Variants in DIAPH3 observed in about 807,000 individuals in gnomAD.
DIAPH3 encodes the protein protein diaphanous homolog 3.
In DIAPH3, 117 loss-of-function variants were observed where a neutral mutation model predicts 144.3. The observed-to-expected ratio is 0.81, with a 90% CI of 0.70 to 0.95. DIAPH3 has a LOEUF of 0.95. DIAPH3 is among the 40% of genes least tolerant of loss of function. DIAPH3 has a pLI of 0.00. For missense variants in DIAPH3, 1,421 were observed against 1,412.7 expected (o/e 1.01, Z -0.09); for synonymous variants, 519 against 488.9 (o/e 1.06, Z -0.81).
intron 4 of DIAPH3, among the ~76,000 whole-genome samples, chr13:60,043,555 C>T (rs536795420): frequency 7.0e-4 from 106 of 152,188 alleles, no homozygotes; most frequent in Non-Finnish European, 1.1e-3. Context: ...AAGACAGAGG[C>T]CAGATCATGG....
rs948590365 is a variant in DIAPH3, at chr13:59,903,097, C to T, written c.2367+8638G>A. ...TGACACAACTTATGTAATTGACAGA[C>T]GAGATCAAAGATGAATTATTAAACA... On this transcript the variant is annotated intron_variant, in intron 20 of 27. Transcript: ENST00000400324. Among the ~76,000 whole-genome samples the T allele has an allele frequency of 4.0e-5, 6 of 151,808 alleles. 1 individual carries two copies. The highest frequency in any genetic ancestry group is 4.1e-4 in the South Asian group (2 of 4,820).
intron 12 of DIAPH3, among the ~76,000 whole-genome samples, chr13:59,984,455 C>T (rs1271173966): frequency 6.6e-6 from 1 of 151,670 alleles, no homozygotes; most frequent in African/African-American, 2.4e-5. Flanking sequence ...CGAAGTTTAA[C>T]TAAAACCTCC....
intron 27 of DIAPH3, among the ~76,000 whole-genome samples, chr13:59,689,086 A>G (rs1332776687): frequency 6.6e-6 from 1 of 152,104 alleles, no homozygotes; most frequent in Admixed American, 6.6e-5. Flanking sequence ...ATAATTGTGA[A>G]TCTCTTGTTA....
intron 27 of DIAPH3, among the ~76,000 whole-genome samples, chr13:59,729,379 T>G (rs2035767248): frequency 6.6e-6 from 1 of 152,008 alleles, no homozygotes; most frequent in Non-Finnish European, 1.5e-5. Flanking sequence ...CAGAAAGAAC[T>G]CTAATACAGA....
Position 59,879,439 on chromosome 13 carries a change from C to A in DIAPH3, c.2397G>T (p.Arg799=), listed in dbSNP as rs1428699204. ...VMSNVKRLRP[R]LSAILFKLQF... ...GAAGCTTAAAGAGAATAGCACTGAG[C>A]CGTGGCCGTAGTCTCTTCACATTGC... The change falls in exon 21 of 28, where the codon CGG becomes CGT. Residue 799 remains arginine (R), a synonymous_variant. Transcript: ENST00000400324. The A allele has an allele frequency of 6.2e-7, 1 of 1,613,558 alleles. No individual in the cohort carries two copies. Among genetic ancestry groups the A allele is most frequent in the Non-Finnish European group, 8.5e-7 (1 of 1,179,780 alleles).
intron 7 of DIAPH3, among the ~76,000 whole-genome samples, chr13:60,014,170 A>G (rs2053472119): frequency 6.6e-6 from 1 of 152,148 alleles, no homozygotes; most frequent in Non-Finnish European, 1.5e-5. Context: ...GGTTTAAAAA[A>G]AGTTCCTAGA....
intron 14 of DIAPH3, among the ~76,000 whole-genome samples, chr13:59,974,910 A>G (rs2050582873): frequency 6.6e-6 from 1 of 152,080 alleles, no homozygotes; most frequent in South Asian, 2.1e-4. Flanking sequence ...TTTTATTACT[A>G]AACAACTCCA....
At chr13:60,109,491 T>G (rs1268991579) in intron 3 of DIAPH3, among the ~76,000 whole-genome samples, 1 of 127,294 alleles carries the variant, frequency 7.9e-6, no homozygotes, top group Non-Finnish European at 1.6e-5. Context: ...AAAAGCAAGA[T>G]GGAGGAAAAG....
At chr13:59,757,614 T>A (rs979889327) in intron 27 of DIAPH3, among the ~76,000 whole-genome samples, 4 of 151,594 alleles carry the variant, frequency 2.6e-5, no homozygotes, top group African/African-American at 4.8e-5. Flanking sequence ...GTTAGCTAGG[T>A]TGGTCTCGAT....
intron 22 of DIAPH3, among the ~76,000 whole-genome samples, chr13:59,842,339 A>G (rs1265551835): frequency 6.6e-6 from 1 of 152,188 alleles, no homozygotes; most frequent in African/African-American, 2.4e-5. Flanking sequence ...CAAAAGATCT[A>G]GAGAACAGAC....
At chr13:60,087,786 C>A (rs1359890425) in intron 4 of DIAPH3, among the ~76,000 whole-genome samples, 23 of 145,320 alleles carry the variant, frequency 1.6e-4, no homozygotes, top group Non-Finnish European at 1.5e-4. Context: ...TCCAAAATAT[C>A]AAAAAAAAAA....
chr13:60,124,540 T>G (rs2058935636), intron 2 of DIAPH3, among the ~76,000 whole-genome samples: 2 of 152,208 alleles, frequency 1.3e-5, no homozygotes, highest in Admixed American at 1.3e-4. Context: ...TAGTATGTCT[T>G]TATAATTATA....
At chr13:60,105,705 T>G (rs1402286444) in intron 3 of DIAPH3, among the ~76,000 whole-genome samples, 3 of 152,318 alleles carry the variant, frequency 2.0e-5, no homozygotes, top group Non-Finnish European at 4.4e-5. Flanking sequence ...CTCTCTCATT[T>G]TATCTAGTCA....
At chr13:59,984,568 T>C (rs558395778) in intron 12 of DIAPH3, among the ~76,000 whole-genome samples, 3 of 151,510 alleles carry the variant, frequency 2.0e-5, no homozygotes, top group Non-Finnish European at 4.4e-5. Context: ...AATTGATAGA[T>C]CGCTAGCAAG....
chr13:60,078,371 T>C (rs2057445370), intron 4 of DIAPH3, among the ~76,000 whole-genome samples: 1 of 151,806 alleles, frequency 6.6e-6, no homozygotes, highest in African/African-American at 2.4e-5. Flanking sequence ...AGGGCGGAAC[T>C]AGTACAGGCA....
At chr13:60,121,484 A>G (rs1320806988) in intron 2 of DIAPH3, among the ~76,000 whole-genome samples, 2 of 152,184 alleles carry the variant, frequency 1.3e-5, no homozygotes, top group Non-Finnish European at 2.9e-5. Flanking sequence ...TAGAAGACCT[A>G]CAGTTGAGAC....
chr13:60,113,848 C>T lies in DIAPH3; in HGVS notation c.214-1662G>A, dbSNP rs149275203. Among the ~76,000 whole-genome samples, 5 of 152,214 alleles carry T rather than the reference C, an allele frequency of 3.3e-5. No individual in the cohort carries two copies. In the East Asian group the frequency reaches 9.7e-4, roughly 29 times the overall value. On this transcript the variant is annotated intron_variant, in intron 2 of 27. Coordinates refer to ENST00000400324, the MANE Select transcript of DIAPH3 (RefSeq NM_001042517.2). ...GCTGGCATTAGAATTTCAAGGAGCC[C>T]CACATGAAGCCCCAGCCATTTGGCA... is the stretch of plus-strand genomic sequence containing the variant.
intron 1 of DIAPH3, among the ~76,000 whole-genome samples, chr13:60,133,752 G>A (rs1487465039): frequency 6.6e-6 from 1 of 152,126 alleles, no homozygotes; most frequent in Non-Finnish European, 1.5e-5. Context: ...ATAAGTCCCA[G>A]TGTCGGGAAA....
chr13:59,898,670 C>T (rs919543835), intron 20 of DIAPH3, among the ~76,000 whole-genome samples: 11 of 152,150 alleles, frequency 7.2e-5, no homozygotes, highest in African/African-American at 2.7e-4. Context: ...AGAATGATTC[C>T]TGCCACCATA....
Sources: gnomAD v4.1 joint callset for allele counts (sites outside exome capture counted in the v4.1 genomes callset) on GRCh38, gnomAD v4.1.1 for gene constraint, MANE v1.5 for transcripts, NCBI Gene and HGNC (gene_info 2026-07-23, HGNC 2026-07-21) for gene names.